Variants in TUSC3 observed in about 807,000 individuals in gnomAD.
The protein encoded by TUSC3 is tumor suppressor candidate 3.
A neutral mutation model predicts 44.8 loss-of-function variants in TUSC3; 45 were observed. That is an observed-to-expected ratio of 1.00 (90% CI 0.79 to 1.29). TUSC3 has a LOEUF of 1.29. Among genes scored for constraint, TUSC3 ranks in the 50% most tolerant of loss-of-function variants. TUSC3 has a pLI of 0.00. For missense variants in TUSC3, 519 were observed against 437.9 expected (o/e 1.19, Z -1.65); for synonymous variants, 212 against 152.9 (o/e 1.39, Z -2.85).
chr8:15,774,591 C>T, the TUSC3 span, among the ~76,000 whole-genome samples: 1 of 152,130 alleles, frequency 6.6e-6, no homozygotes, highest in African/African-American at 2.4e-5. Context: ...ACATTAAGAT[C>T]GTAAATTTCT....
chr8:15,798,534 G>A, the TUSC3 span, among the ~76,000 whole-genome samples: 13 of 152,140 alleles, frequency 8.5e-5, no homozygotes, highest in Admixed American at 1.3e-4. Context: ...AAAGAGGGAA[G>A]CTCTGTGTAA....
At chr8:15,536,237 A>G (rs1356851076), upstream of TUSC3, among the ~76,000 whole-genome samples, 1 of 152,202 alleles carries the variant, frequency 6.6e-6, no homozygotes, top group African/African-American at 2.4e-5. Flanking sequence ...CAGAGGAAAA[A>G]TAGGAAATGA....
intron 2 of TUSC3, among the ~76,000 whole-genome samples, chr8:15,503,923 A>T (rs1801008501): frequency 6.6e-6 from 1 of 151,466 alleles, no homozygotes; most frequent in East Asian, 2.0e-4. Context: ...GCTGAGGCAC[A>T]AGAATTGCTT....
At chr8:15,837,358 G>C in the TUSC3 span, among the ~76,000 whole-genome samples, 28 of 151,956 alleles carry the variant, frequency 1.8e-4, no homozygotes, top group Non-Finnish European at 3.7e-4. Flanking sequence ...ACATTTAAAT[G>C]TATTGGATTA....
chr8:15,601,235 G>C (rs1051281252), intron 1 of TUSC3, among the ~76,000 whole-genome samples: 2 of 151,606 alleles, frequency 1.3e-5, no homozygotes, highest in Non-Finnish European at 3.0e-5. Flanking sequence ...TATCATGGCT[G>C]GGTAATTTAT....
intron 1 of TUSC3, among the ~76,000 whole-genome samples, chr8:15,610,469 A>G (rs1172764302): frequency 1.3e-5 from 2 of 152,194 alleles, no homozygotes; most frequent in African/African-American, 4.8e-5. Flanking sequence ...ATTTTTATGA[A>G]TAAGGAAATA....
At chr8:15,611,371 A>G (rs954114932) in intron 1 of TUSC3, among the ~76,000 whole-genome samples, 1 of 152,068 alleles carries the variant, frequency 6.6e-6, no homozygotes, top group Non-Finnish European at 1.5e-5. Flanking sequence ...TTTTTAGTAG[A>G]GATGAGGAGG....
intron 1 of TUSC3, among the ~76,000 whole-genome samples, chr8:15,565,619 A>C (rs559124906): frequency 6.6e-6 from 1 of 152,254 alleles, no homozygotes. Context: ...TGTTTTCTTT[A>C]ACTTTGTTTC....
chr8:15,425,913 G>A (rs1467333361), intron 1 of TUSC3, among the ~76,000 whole-genome samples: 2 of 152,194 alleles, frequency 1.3e-5, no homozygotes, highest in Admixed American at 6.5e-5. Context: ...CACTTTGGGA[G>A]GCCAAGGTGA....
At chr8:15,465,556 A>T (rs910765865) in intron 1 of TUSC3, among the ~76,000 whole-genome samples, 1 of 152,236 alleles carries the variant, frequency 6.6e-6, no homozygotes, top group African/African-American at 2.4e-5. Context: ...AATACACCTT[A>T]TATTTAATAA....
intron 2 of TUSC3, among the ~76,000 whole-genome samples, chr8:15,488,728 ATGTGGCAAG>A (rs1800767534): frequency 6.6e-6 from 1 of 152,182 alleles, no homozygotes; most frequent in African/African-American, 2.4e-5. Context: ...CCATATGAAG[ATGTGGCAAG>A]AAAGTGCAGA....
At chr8:15,739,532 T>C (rs2129212408) in intron 7 of TUSC3, among the ~76,000 whole-genome samples, 1 of 152,252 alleles carries the variant, frequency 6.6e-6, no homozygotes, top group South Asian at 2.1e-4. Context: ...CTGCATTTGC[T>C]CCCAACAAAA....
intron 6 of TUSC3, among the ~76,000 whole-genome samples, chr8:15,710,608 G>A (rs981295647): frequency 6.6e-6 from 1 of 151,696 alleles, no homozygotes; most frequent in East Asian, 1.9e-4. Context: ...TCCAGAGGTT[G>A]GCTGAGCAAA....
intron 1 of TUSC3, among the ~76,000 whole-genome samples, chr8:15,458,042 C>G (rs1436508557): frequency 2.6e-5 from 4 of 151,726 alleles, no homozygotes; most frequent in Non-Finnish European, 2.9e-5. Flanking sequence ...TCAAAACATA[C>G]TCTTTAGGAA....
intron 6 of TUSC3, among the ~76,000 whole-genome samples, chr8:15,729,957 A>G (rs1810650488): frequency 6.6e-6 from 1 of 152,074 alleles, no homozygotes; most frequent in Non-Finnish European, 1.5e-5. Context: ...GCATTGATTT[A>G]TACTCCAAGG....
At chr8:15,688,495 T>C (rs947387458) in intron 6 of TUSC3, among the ~76,000 whole-genome samples, 4 of 150,674 alleles carry the variant, frequency 2.7e-5, no homozygotes, top group Non-Finnish European at 1.5e-5. Flanking sequence ...TATAGTTAAA[T>C]TGTGTGTCAC....
downstream of TUSC3, among the ~76,000 whole-genome samples, chr8:15,769,511 A>G (rs1812404185): frequency 6.6e-6 from 1 of 152,198 alleles, no homozygotes; most frequent in African/African-American, 2.4e-5. Flanking sequence ...TTCAGGACAC[A>G]GGCATGGACA....
At chr8:15,645,760 C>G (rs1013852147) in intron 2 of TUSC3, among the ~76,000 whole-genome samples, 1 of 152,036 alleles carries the variant, frequency 6.6e-6, no homozygotes, top group Non-Finnish European at 1.5e-5. Context: ...ATTCCTTTGA[C>G]AAACAGCATA....
chr8:15,764,093 T>C (rs1320103447), intron 10 of TUSC3, 110 bp from the exon 11 acceptor site: 4 of 1,127,448 alleles, frequency 3.5e-6, no homozygotes, highest in Middle Eastern at 3.0e-4. Context: ...AATACAATTA[T>C]GACATTTTAA....
Sources: allele counts gnomAD v4.1 joint callset (sites outside exome capture counted in the v4.1 genomes callset), GRCh38; gene constraint gnomAD v4.1.1; transcripts MANE v1.5; gene names NCBI Gene and HGNC (gene_info 2026-07-23, HGNC 2026-07-21).